Variants in SNRPC observed in about 807,000 individuals in gnomAD.
The protein encoded by SNRPC is U1 small nuclear ribonucleoprotein C.
SNRPC carries 5 observed loss-of-function variants against 20.0 expected under a neutral mutation model. The ratio of observed to expected loss-of-function variants is 0.25; its 90% confidence interval spans 0.13 to 0.53. The LOEUF is 0.53. Among genes scored for constraint, SNRPC ranks in the 20% least tolerant of loss-of-function variants. The probability of loss-of-function intolerance (pLI) is 0.96; values close to 1 mark genes in which losing one functional copy is unlikely to be tolerated. For synonymous variants in SNRPC, 61 were observed against 58.7 expected (o/e 1.04, Z -0.18); for missense variants, 112 against 224.1 (o/e 0.50, Z 3.19).
chr6:34,769,689 TACA>T (rs920103237), intron 4 of SNRPC, among the ~76,000 whole-genome samples: 4 of 152,212 alleles, frequency 2.6e-5, no homozygotes, highest in African/African-American at 9.6e-5. Context: ...CTATAGAAGG[TACA>T]ACCTCTCCAC....
At chr6:34,763,609 A>G (rs1764567194) in intron 3 of SNRPC, among the ~76,000 whole-genome samples, 1 of 149,714 alleles carries the variant, frequency 6.7e-6, no homozygotes, top group African/African-American at 2.5e-5. Context: ...TGAACCCAGA[A>G]GGTGGAGGTT....
At chr6:34,760,305 G>T (rs1281200339) in intron 2 of SNRPC, among the ~76,000 whole-genome samples, 3 of 151,716 alleles carry the variant, frequency 2.0e-5, no homozygotes, top group Non-Finnish European at 4.4e-5. Flanking sequence ...TACAGACGGG[G>T]TTTCACCATG....
chr6:34,768,978 G>A (rs1439576542), intron 4 of SNRPC, among the ~76,000 whole-genome samples: 4 of 151,980 alleles, frequency 2.6e-5, no homozygotes, highest in Admixed American at 6.6e-5. Context: ...ACAATCACGG[G>A]TATAAACCCA....
intron 3 of SNRPC, among the ~76,000 whole-genome samples, chr6:34,766,751 G>C (rs775386212): frequency 2.0e-5 from 3 of 152,088 alleles, no homozygotes; most frequent in South Asian, 4.1e-4. Context: ...CCCTGAGATC[G>C]CACAGGCTTT....
chr6:34,771,538 C>T (rs1764691219), intron 5 of SNRPC, among the ~76,000 whole-genome samples: 1 of 152,054 alleles, frequency 6.6e-6, no homozygotes. Context: ...GATAGTTTAT[C>T]TGAGTCTTCC....
At chr6:34,770,237 G>T (rs1452193821) in intron 4 of SNRPC, 54 bp from the exon 5 acceptor site, 3 of 1,278,042 alleles carry the variant, frequency 2.3e-6, no homozygotes, top group Non-Finnish European at 3.4e-6. Flanking sequence ...AAAAAGAAGA[G>T]AAAATGTTAA....
At chr6:34,769,463 G>C (rs1253927356) in intron 4 of SNRPC, among the ~76,000 whole-genome samples, 1 of 151,926 alleles carries the variant, frequency 6.6e-6, no homozygotes, top group African/African-American at 2.4e-5. Context: ...AAAGTGCTGG[G>C]ATTACAGGCT....
chr6:34,757,525 C>CA lies in SNRPC; in HGVS notation c.-17dup. 6.2e-7 allele frequency: 1 copy of CA among 1,613,184 alleles called. No individual in the cohort carries two copies. The highest frequency in any genetic ancestry group is 2.2e-5 in the East Asian group (1 of 44,872). On this transcript the variant is annotated 5_prime_UTR_variant, in exon 1 of 6. Transcript: ENST00000244520. ...TCCGGGCGTCACGTAACGGAGTGGC[C>CA]AACGGCCTGCAGAGCAACATGCCCA...
At chr6:34,769,126 CCTT>C (rs766963894) in intron 4 of SNRPC, among the ~76,000 whole-genome samples, 76 of 152,142 alleles carry the variant, frequency 5.0e-4, no homozygotes, top group Non-Finnish European at 9.7e-4. Flanking sequence ...ACTTCTCTCT[CCTT>C]CTCTACCTTG....
chr6:34,769,427 C>T (rs1764658548), intron 4 of SNRPC, among the ~76,000 whole-genome samples: 1 of 151,776 alleles, frequency 6.6e-6, no homozygotes, highest in Non-Finnish European at 1.5e-5. Context: ...TCCTGACCTC[C>T]TGTGATCTGC....
chr6:34,765,417 A>ATATT (rs201470184), intron 3 of SNRPC, among the ~76,000 whole-genome samples: 9,391 of 150,908 alleles, frequency 0.062, 497 homozygotes, highest in East Asian at 0.32. Context: ...TTTATCTTAT[A>ATATT]TATTTATTTA....
intron 2 of SNRPC, among the ~76,000 whole-genome samples, chr6:34,758,537 A>C (rs1764483754): frequency 6.6e-6 from 1 of 151,798 alleles, no homozygotes; most frequent in Admixed American, 6.6e-5. Flanking sequence ...CTGGTCTCGA[A>C]CTCCCGACCT....
chr6:34,758,894 T>G (rs1240363778), intron 2 of SNRPC, among the ~76,000 whole-genome samples: 2 of 151,056 alleles, frequency 1.3e-5, no homozygotes, highest in Non-Finnish European at 3.0e-5. Flanking sequence ...GGCGGGCGAC[T>G]CTATAGTCCC....
intron 3 of SNRPC, among the ~76,000 whole-genome samples, chr6:34,765,773 CTGT>C (rs1764605408): frequency 6.6e-6 from 1 of 151,940 alleles, no homozygotes; most frequent in African/African-American, 2.4e-5. Flanking sequence ...GAGTCTCACT[CTGT>C]TGCCCAGACT....
At chr6:34,761,043 G>A (rs1581589201) in intron 2 of SNRPC, among the ~76,000 whole-genome samples, 1 of 148,576 alleles carries the variant, frequency 6.7e-6, no homozygotes, top group Non-Finnish European at 1.5e-5. Flanking sequence ...GTGAGACTCC[G>A]TCTCAAAAAA....
intron 5 of SNRPC, among the ~76,000 whole-genome samples, chr6:34,772,577 C>T (rs16894102): frequency 0.066 from 10,090 of 152,170 alleles, 546 homozygotes; most frequent in East Asian, 0.33. Flanking sequence ...CTCTTGAACC[C>T]TTTGCTGCAA....
In SNRPC at chr6:34,773,544, C is replaced by G; in HGVS notation, c.454C>G (p.Pro152Ala). The G allele has an allele frequency of 1.2e-6, 2 of 1,613,776 alleles. No individual in the cohort carries two copies. Among genetic ancestry groups the G allele is most frequent in the Admixed American group, 1.7e-5 (1 of 59,990 alleles). Reference sequence around the variant, plus strand: ...CCGTCCCATGATGGTGCCCACTCGGCCCGGAATGACTCGACCAGACAGATA... The same window carrying G: ...CCGTCCCATGATGGTGCCCACTCGGGCCGGAATGACTCGACCAGACAGATA... ...PARPMMVPTRPGMTRPDR is the reference protein window; with the variant it reads ...PARPMMVPTRAGMTRPDR Residue 152 changes from proline to alanine, a missense_variant, in exon 6 of 6, where the codon CCC (proline) becomes GCC (alanine). Pro to Ala is a conservative substitution (Grantham distance 27). Transcript: ENST00000244520. The surrounding 1 kb of genome is among the most constrained non-coding windows in gnomAD (Gnocchi z 4.1).
At chr6:34,759,838 C>T (rs543667901) in intron 2 of SNRPC, among the ~76,000 whole-genome samples, 6 of 152,174 alleles carry the variant, frequency 3.9e-5, no homozygotes, top group Non-Finnish European at 8.8e-5. Context: ...TTGAACACTG[C>T]AGCTCTATGC....
At chr6:34,768,896 C>T (rs911707733) in intron 4 of SNRPC, among the ~76,000 whole-genome samples, 1 of 152,054 alleles carries the variant, frequency 6.6e-6, no homozygotes, top group African/African-American at 2.4e-5. Context: ...TGTACTGGGT[C>T]GTACTGTACT....
Sources: allele counts gnomAD v4.1 joint callset (sites outside exome capture counted in the v4.1 genomes callset), GRCh38; gene constraint gnomAD v4.1.1; non-coding constraint Gnocchi (gnomAD v3.1); transcripts MANE v1.5; gene names NCBI Gene and HGNC (gene_info 2026-07-23, HGNC 2026-07-21).